RCN1: variants seen among roughly 807,000 people sequenced by gnomAD.
RCN1 encodes reticulocalbin 1.
A neutral mutation model predicts 34.7 loss-of-function variants in RCN1; 14 were observed. The observed-to-expected ratio is 0.40, with a 90% CI of 0.27 to 0.63. The LOEUF (loss-of-function observed/expected upper bound fraction) is 0.63. Among genes scored for constraint, RCN1 ranks in the 30% least tolerant of loss-of-function variants. RCN1 has a pLI of 0.37. For missense variants in RCN1, 326 were observed against 425.1 expected, an observed-to-expected ratio of 0.77 and a Z score of 2.05; for synonymous variants, 125 against 165.5, an observed-to-expected ratio of 0.76 and a Z score of 1.88.
chr11:32,101,049 T>A (rs909133860), intron 4 of RCN1, among the ~76,000 whole-genome samples: 4 of 152,228 alleles, frequency 2.6e-5, no homozygotes, highest in Non-Finnish European at 5.9e-5. Context: ...TGTTTATGTG[T>A]CTGAGCACTT....
chr11:32,094,358 C>T (rs1248358828), intron 1 of RCN1, among the ~76,000 whole-genome samples: 1 of 152,294 alleles, frequency 6.6e-6, no homozygotes, highest in African/African-American at 2.4e-5. Context: ...TACTTGCCCA[C>T]GTTTAAAGTT....
At chr11:32,103,709 C>G (rs180706848) in intron 5 of RCN1, among the ~76,000 whole-genome samples, 19 of 152,300 alleles carry the variant, frequency 1.2e-4, no homozygotes, top group South Asian at 1.2e-3. Flanking sequence ...CACAGACTTA[C>G]ATTAAGTCAC....
intron 4 of RCN1, chr11:32,102,281 AG>A (rs1336424837): frequency 6.6e-6 from 1 of 151,850 alleles, no homozygotes; most frequent in African/African-American, 2.4e-5. Context: ...AAAAAAAGTG[AG>A]CCCATTTTTA....
chr11:32,094,036 G>A (rs1413918264), intron 1 of RCN1, among the ~76,000 whole-genome samples: 1 of 152,124 alleles, frequency 6.6e-6, no homozygotes, highest in African/African-American at 2.4e-5. Context: ...ATGGGTGATG[G>A]ATGCACCATT....
intron 1 of RCN1, among the ~76,000 whole-genome samples, chr11:32,092,344 G>A (rs1357882259): frequency 6.6e-6 from 1 of 152,080 alleles, no homozygotes; most frequent in Non-Finnish European, 1.5e-5. Flanking sequence ...ATCTAGTGTA[G>A]GGATACAAAA....
rs745410992 is a variant in RCN1 at position 32,103,330 on chromosome 11, A to G, written c.738A>G (p.Leu246=). The G allele has an allele frequency of 6.2e-7, 1 of 1,614,088 alleles. No individual in the cohort carries two copies. Among genetic ancestry groups the G allele is most frequent in the South Asian group, 1.1e-5 (1 of 91,084 alleles). ...EENGPEPDWV[L]SEREQFNEFR... is the part of the protein sequence containing the mutation. ...ATGGCCCTGAGCCAGACTGGGTTTT[A>G]TCAGAACGGGAGCAGTTTAACGAAT... Residue 246 remains leucine, a synonymous_variant, in exon 5 of 6, where the codon TTA becomes TTG. Coordinates refer to ENST00000054950, the MANE Select transcript of RCN1 (RefSeq NM_002901.4).
intron 2 of RCN1, among the ~76,000 whole-genome samples, chr11:32,097,647 T>C (rs223069): frequency 0.14 from 21,589 of 152,202 alleles, 1,620 homozygotes; most frequent in East Asian, 0.29. Flanking sequence ...GTCTGTGGTA[T>C]ATTTTCAAAA....
chr11:32,097,556 TA>T (rs907073503), intron 2 of RCN1, among the ~76,000 whole-genome samples: 6 of 151,972 alleles, frequency 3.9e-5, no homozygotes, highest in South Asian at 2.1e-4. Flanking sequence ...TGAGGGCTAA[TA>T]AAAAAAATCC....
In RCN1 at chr11:32,099,955, G is replaced by A. The variant is rs183389358; in HGVS notation, c.628-593G>A. On this transcript the variant is annotated intron_variant, in intron 3 of 5. Transcript: ENST00000054950. ...CTCTCTGCTCTCAGGTTGGCTCTTT[G>A]GTTTGACCCAGGATGCCTCTGAGTT... Among the ~76,000 whole-genome samples the A allele has an allele frequency of 3.3e-5, 5 of 152,296 alleles. No individual in the cohort carries two copies. The East Asian group carries it at 9.6e-4, about 29-fold the overall frequency.
chr11:32,102,734 G>GTCAT (rs1046192495), intron 4 of RCN1: 93 of 300,962 alleles, frequency 3.1e-4, no homozygotes, highest in African/African-American at 2.0e-3. Flanking sequence ...TGAGCTGTGG[G>GTCAT]TCATTGGGTA....
At chr11:32,093,162 C>G (rs904044138) in intron 1 of RCN1, among the ~76,000 whole-genome samples, 1 of 152,160 alleles carries the variant, frequency 6.6e-6, no homozygotes, top group African/African-American at 2.4e-5. Context: ...TGTGGTCATG[C>G]AGCTTCCAGT....
In RCN1 at chr11:32,103,391, G is replaced by C; in HGVS notation, c.799G>C (p.Asp267His). Residue 267 changes from aspartate (D) to histidine (H), a missense_variant, in exon 5 of 6, where the codon GAT becomes CAT. By Grantham distance (81) the Asp-to-His change is moderately conservative (BLOSUM62 -1). Coordinates refer to ENST00000054950, the MANE Select transcript of RCN1 (RefSeq NM_002901.4). Reference sequence around the variant, plus strand: ...GAACAAGGACGGGAAGTTAGACAAAGATGAGATTCGCCACTGGATCCTCCC... The same window carrying C: ...GAACAAGGACGGGAAGTTAGACAAACATGAGATTCGCCACTGGATCCTCCC... ...DLNKDGKLDK[D>H]EIRHWILPQD... 1 of 1,613,656 alleles carries C rather than the reference G, an allele frequency of 6.2e-7. No homozygotes were observed.
At position 32,097,313 on chromosome 11, in the gene RCN1, C is replaced by G. The variant is rs1246898338; in HGVS notation, c.424C>G (p.Gln142Glu). 6.3e-7 allele frequency: 1 copy of G among 1,581,824 alleles called. No homozygotes were observed. Among genetic ancestry groups the G allele is most frequent in the Non-Finnish European group, 8.6e-7 (1 of 1,169,028 alleles). The change falls in exon 2 of 6, where the codon CAA becomes GAA. Residue 142 changes from glutamine (Q) to glutamate (E), a missense_variant. Coordinates refer to ENST00000054950, the MANE Select transcript of RCN1 (RefSeq NM_002901.4). ...DDKISWEEYK[Q>E]ATYGYYLGNP... ...TAAAATTTCCTGGGAAGAATACAAA[C>G]AAGCCACCTATGGTTACTACCTAGG... is the stretch of plus-strand genomic sequence containing the variant.
At chr11:32,104,256 T>C in intron 5 of RCN1, 109 bp from the exon 6 acceptor site, 1 of 674,736 alleles carries the variant, frequency 1.5e-6, no homozygotes, top group Non-Finnish European at 2.6e-6. Context: ...TCTGGATTAC[T>C]AAATATAGTA....
At chr11:32,093,372 T>G (rs971999932) in intron 1 of RCN1, among the ~76,000 whole-genome samples, 3 of 152,220 alleles carry the variant, frequency 2.0e-5, no homozygotes, top group African/African-American at 7.2e-5. Flanking sequence ...GGCGTCGAAG[T>G]GCTTGTAAGC....
At chr11:32,096,035 C>T (rs1851969923) in intron 1 of RCN1, among the ~76,000 whole-genome samples, 1 of 152,088 alleles carries the variant, frequency 6.6e-6, no homozygotes, top group South Asian at 2.1e-4. Flanking sequence ...AGGAGATTTT[C>T]TCTGTCAAAC....
intron 3 of RCN1, among the ~76,000 whole-genome samples, chr11:32,099,903 G>T (rs546014036): frequency 6.6e-6 from 1 of 152,182 alleles, no homozygotes. Flanking sequence ...GAATGATCCC[G>T]AGTAGACTAC....
At chr11:32,095,481 C>T (rs1851963019) in intron 1 of RCN1, among the ~76,000 whole-genome samples, 1 of 152,062 alleles carries the variant, frequency 6.6e-6, no homozygotes, top group South Asian at 2.1e-4. Context: ...GATCTCGGCT[C>T]ACTGCAAGCT....
chr11:32,091,450 G>A lies in RCN1; in HGVS notation c.254G>A (p.Gly85Glu), dbSNP rs1489391342. The change falls in exon 1 of 6, where the codon GGG becomes GAG. Residue 85 changes from glycine (G) to glutamate (E), a missense_variant and splice_region_variant. By Grantham distance (98) the Gly-to-Glu change is moderately conservative (BLOSUM62 -2). Transcript: ENST00000054950. ...LTPDESKERL[G>E]KIVDRIDNDG... is the part of the protein sequence containing the mutation. ...CCGGACGAGAGCAAGGAGAGGCTAG[G>A]GTGAGGCCGCGGCCAGGGCCCCGTG... The A allele has an allele frequency of 6.5e-7, 1 of 1,543,274 alleles. No individual in the cohort carries two copies. Among genetic ancestry groups the A allele is most frequent in the Non-Finnish European group, 8.7e-7 (1 of 1,143,834 alleles).
Sources: gnomAD v4.1 joint callset for allele counts (sites outside exome capture counted in the v4.1 genomes callset) on GRCh38, gnomAD v4.1.1 for gene constraint, MANE v1.5 for transcripts, NCBI Gene and HGNC (gene_info 2026-07-23, HGNC 2026-07-21) for gene names.